The following DYNC2H1 variants were observed in gnomAD, a reference collection of about 807,000 sequenced individuals.
DYNC2H1 encodes dynein cytoplasmic 2 heavy chain 1.
In DYNC2H1, 410 loss-of-function variants were observed where a neutral mutation model predicts 570.0. The ratio of observed to expected loss-of-function variants is 0.72; its 90% CI spans 0.66 to 0.78. DYNC2H1 has a LOEUF of 0.78. DYNC2H1 is among the 30% of genes least tolerant of loss of function. The probability of loss-of-function intolerance (pLI) is 0.00; values close to 1 mark genes in which losing one functional copy is unlikely to be tolerated. For missense variants in DYNC2H1, 4,865 were observed against 5,046.4 expected, an observed-to-expected ratio of 0.96 and a Z score of 1.09; for synonymous variants, 1,688 against 1,677.6, an observed-to-expected ratio of 1.01 and a Z score of -0.15.
chr11:103,469,884 G>A (rs1945317968), intron 88 of DYNC2H1, among the ~76,000 whole-genome samples: 1 of 152,090 alleles, frequency 6.6e-6, no homozygotes, highest in Non-Finnish European at 1.5e-5. Context: ...GTTAAGGTTG[G>A]AATTTGTCAA....
Position 103,358,365 on chromosome 11 carries a change from T to G in DYNC2H1, c.12156+6T>G. 6.5e-7 allele frequency: 1 copy of G among 1,531,536 alleles called. No individual in the cohort carries two copies. Among genetic ancestry groups the G allele is most frequent in the Non-Finnish European group, 8.9e-7 (1 of 1,123,002 alleles). 94.9% of individuals were successfully genotyped at this position (1,531,536 alleles called of 1,614,324 possible). A position where few individuals can be genotyped will look rare whatever the true frequency, so the allele number is the denominator to read the frequency against. ...TCTGGAAGAAACTAAACCAGGTTAG[T>G]AGTGGAATATTCTTCTGATTCTTTT... is the stretch of plus-strand genomic sequence containing the variant. On this transcript the variant is annotated splice_donor_region_variant and intron_variant, in intron 83 of 88. Coordinates refer to ENST00000375735, the MANE Select transcript of DYNC2H1 (RefSeq NM_001377.3).
chr11:103,170,886 G>T lies in DYNC2H1; in HGVS notation c.5152G>T (p.Gly1718Cys). 3 of 1,481,334 alleles carry T rather than the reference G, an allele frequency of 2.0e-6. No individual in the cohort carries two copies. The highest frequency in any genetic ancestry group is 1.8e-6 in the Non-Finnish European group (2 of 1,106,342). 91.8% of individuals were successfully genotyped at this position (1,481,334 alleles called of 1,614,324 possible). ...RQVLVFNCDE[G>C]IDVKSMGRIF... ...TATAATTTTTATTGTTGTTTTTAAG[G>T]GCATCGATGTGAAGTCAATGGGACG... Residue 1718 changes from glycine to cysteine, a missense_variant and splice_region_variant, in exon 34 of 89, where the codon GGC becomes TGC. Coordinates refer to ENST00000375735, the MANE Select transcript of DYNC2H1 (RefSeq NM_001377.3). This position sits in a 1 kb window ranked among gnomAD's most constrained non-coding sequence, Gnocchi z 4.8.
chr11:103,417,472 C>T (rs182465552), intron 84 of DYNC2H1, among the ~76,000 whole-genome samples: 157 of 152,274 alleles, frequency 1.0e-3, no homozygotes, highest in Non-Finnish European at 2.1e-3. Flanking sequence ...GCTTCATGCA[C>T]ATAATCACAA....
At chr11:103,231,557 C>A (rs1477364027) in intron 60 of DYNC2H1, among the ~76,000 whole-genome samples, 1 of 149,330 alleles carries the variant, frequency 6.7e-6, no homozygotes, top group African/African-American at 2.5e-5. Context: ...AAAAAAATTT[C>A]TTCATGCAAA....
intron 83 of DYNC2H1, among the ~76,000 whole-genome samples, chr11:103,381,421 T>C (rs1013593780): frequency 6.6e-6 from 1 of 151,832 alleles, no homozygotes; most frequent in Non-Finnish European, 1.5e-5. Context: ...ATTGCCATAT[T>C]CAATATCTTT....
At chr11:103,116,449 A>G in intron 4 of DYNC2H1, 121 bp from the exon 5 acceptor site, 2 of 613,700 alleles carry the variant, frequency 3.3e-6, no homozygotes, top group Non-Finnish European at 4.9e-6. Context: ...TAGAAAAAGG[A>G]GGAGAAAATA....
chr11:103,110,056 G>T (rs748606533), intron 1 of DYNC2H1, among the ~76,000 whole-genome samples: 1 of 152,078 alleles, frequency 6.6e-6, no homozygotes, highest in African/African-American at 2.4e-5. Context: ...ACGGAGTTTC[G>T]TTCTGTCGCT....
chr11:103,119,383 A>C (rs1212020982), intron 6 of DYNC2H1, among the ~76,000 whole-genome samples: 1 of 151,868 alleles, frequency 6.6e-6, no homozygotes, highest in South Asian at 2.1e-4. Context: ...TATGTTGCCC[A>C]GGTTAGAGTA....
At chr11:103,399,975 C>A in intron 84 of DYNC2H1, 103 bp downstream of exon 84, 1 of 941,106 alleles carries the variant, frequency 1.1e-6, no homozygotes, top group Non-Finnish European at 1.6e-6. Context: ...GCAGAAGACC[C>A]GAGTCACACT....
At chr11:103,349,830 C>T (rs1483652702) in intron 82 of DYNC2H1, among the ~76,000 whole-genome samples, 1 of 152,080 alleles carries the variant, frequency 6.6e-6, no homozygotes, top group East Asian at 1.9e-4. Flanking sequence ...CACTTTTGAT[C>T]TTGAGTGAAA....
intron 77 of DYNC2H1, among the ~76,000 whole-genome samples, chr11:103,307,450 A>G (rs911734335): frequency 5.3e-5 from 8 of 152,084 alleles, no homozygotes; most frequent in African/African-American, 1.9e-4. Context: ...TTAGAGATGG[A>G]ATAAGTCAAA....
At position 103,199,698 on chromosome 11, in the gene DYNC2H1, A is replaced by G. The variant is rs1420653919; in HGVS notation, c.8088+222A>G. ...TTTATCTATAGACAGGAAAGAGAAT[A>G]CTATTAGAATTTCTAGGAAGCAGAT... is the stretch of plus-strand genomic sequence containing the variant. On this transcript the variant is annotated intron_variant, in intron 49 of 88. Transcript: ENST00000375735. This position sits in a 1 kb window ranked among gnomAD's most constrained non-coding sequence, Gnocchi z 4.6. 6.6e-6 allele frequency among the ~76,000 whole-genome samples: 1 copy of G among 152,196 alleles called. No homozygotes were observed. The highest frequency in any genetic ancestry group is 1.9e-4 in the East Asian group (1 of 5,200).
At position 103,234,304 on chromosome 11, in the gene DYNC2H1, T is replaced by C. The variant is rs77709136; in HGVS notation, c.9567+144T>C. 3.1e-3 allele frequency: 3,034 copies of C among 979,716 alleles called. 59 individuals are homozygous for C. In the African/African-American group the frequency reaches 0.042, roughly 14 times the overall value. 60.7% of individuals were successfully genotyped at this position (979,716 alleles called of 1,614,324 possible). A position where few individuals can be genotyped will look rare whatever the true frequency, so the allele number is the denominator to read the frequency against. On this transcript the variant is annotated intron_variant, in intron 61 of 88. Coordinates refer to ENST00000375735, the MANE Select transcript of DYNC2H1 (RefSeq NM_001377.3). ...ATAATCTGGATATAAATGGCCATTA[T>C]GTGAATTACTCTTTAAACAAAGCGT... is the stretch of plus-strand genomic sequence containing the variant.
Position 103,319,672 on chromosome 11 carries a change from A to G in DYNC2H1, c.11726-1357A>G, listed in dbSNP as rs1020004982. ...TTTTGAGAAAAATAGGTAGAAAAAA[A>G]TAAGATTTTCTTATAAAAATTCGAT... On this transcript the variant is annotated intron_variant, in intron 80 of 88. Coordinates refer to ENST00000375735, the MANE Select transcript of DYNC2H1 (RefSeq NM_001377.3). This position sits in a 1 kb window ranked among gnomAD's most constrained non-coding sequence, Gnocchi z 4.3. 4.5e-4 allele frequency among the ~76,000 whole-genome samples: 69 copies of G among 152,338 alleles called. No individual in the cohort carries two copies. Among genetic ancestry groups the G allele is most frequent in the African/African-American group, 1.5e-3 (64 of 41,578 alleles).
chr11:103,238,588 C>T (rs1388307475), intron 63 of DYNC2H1, among the ~76,000 whole-genome samples: 2 of 151,778 alleles, frequency 1.3e-5, no homozygotes, highest in African/African-American at 4.8e-5. Context: ...CACATACACA[C>T]ACACACACAC....
chr11:103,478,180 G>C (rs1945625674), intron 88 of DYNC2H1, among the ~76,000 whole-genome samples: 1 of 152,090 alleles, frequency 6.6e-6, no homozygotes, highest in Non-Finnish European at 1.5e-5. Context: ...AAAAAGAAGG[G>C]GTGGTCATTG....
chr11:103,161,845 A>T (rs1861107226), intron 29 of DYNC2H1, among the ~76,000 whole-genome samples: 1 of 152,232 alleles, frequency 6.6e-6, no homozygotes, highest in Non-Finnish European at 1.5e-5. Context: ...ACTAACTAGC[A>T]ATAGATTGCA....
chr11:103,423,267 G>A (rs1230805150), intron 84 of DYNC2H1, among the ~76,000 whole-genome samples: 1 of 151,472 alleles, frequency 6.6e-6, no homozygotes, highest in Non-Finnish European at 1.5e-5. Flanking sequence ...GGAGATCAGT[G>A]GAATGGAATA....
At chr11:103,339,407 G>A (rs1939325277) in intron 82 of DYNC2H1, among the ~76,000 whole-genome samples, 1 of 152,182 alleles carries the variant, frequency 6.6e-6, no homozygotes, top group South Asian at 2.1e-4. Context: ...CTGGGAGTCA[G>A]TTTATCCCAC....
Sources: allele counts gnomAD v4.1 joint callset (sites outside exome capture counted in the v4.1 genomes callset), GRCh38; gene constraint gnomAD v4.1.1; non-coding constraint Gnocchi (gnomAD v3.1); transcripts MANE v1.5; gene names NCBI Gene and HGNC (gene_info 2026-07-23, HGNC 2026-07-21).